Variants in CUX1 observed in about 807,000 individuals in gnomAD.
CUX1 encodes the protein protein CASP.
A neutral mutation model predicts 158.8 loss-of-function variants in CUX1; 31 were observed. The ratio of observed to expected loss-of-function variants is 0.20; its 90% CI spans 0.15 to 0.26. The LOEUF is 0.26. CUX1 is among the 10% of genes least tolerant of loss of function. The pLI is 1.00. For missense variants in CUX1, 1,589 were observed against 2,014.6 expected (o/e 0.79, Z 4.04); for synonymous variants, 879 against 862.1 (o/e 1.02, Z -0.34).
chr7:102,207,044 C>G (rs1796024054), intron 20 of CUX1, among the ~76,000 whole-genome samples: 1 of 152,164 alleles, frequency 6.6e-6, no homozygotes, highest in Non-Finnish European at 1.5e-5. Context: ...AACGGATCAT[C>G]GCCACTGTGC....
intron 1 of CUX1, among the ~76,000 whole-genome samples, chr7:101,873,473 G>A (rs1444085649): frequency 1.3e-5 from 2 of 151,252 alleles, no homozygotes; most frequent in Non-Finnish European, 2.9e-5. Context: ...CCAAGTGTGA[G>A]CCACCATGCC....
intron 2 of CUX1, among the ~76,000 whole-genome samples, chr7:101,932,112 A>G (rs1806356610): frequency 6.6e-6 from 1 of 152,256 alleles, no homozygotes; most frequent in African/African-American, 2.4e-5. Context: ...AGCCAGGCAT[A>G]AAAATAAACC....
In CUX1 at chr7:102,251,743, C is replaced by T. The variant is rs1479553620; in HGVS notation, c.*2701C>T. Reference sequence around the variant, plus strand: ...AAAACCCTCAAGGGACTTTTGTCATCATGTGTGATGAATCTTTAAATATCG... The same window carrying T: ...AAAACCCTCAAGGGACTTTTGTCATTATGTGTGATGAATCTTTAAATATCG... On this transcript the variant is annotated 3_prime_UTR_variant, in exon 24 of 24. Transcript: ENST00000292535. The T allele has an allele frequency of 4.9e-5, 48 of 985,170 alleles. No homozygotes were observed. The highest frequency in any genetic ancestry group is 7.0e-5 in the African/African-American group (4 of 57,180). 61.0% of individuals were successfully genotyped at this position (985,170 alleles called of 1,614,324 possible). A position where few individuals can be genotyped will look rare whatever the true frequency, so the allele number is the denominator to read the frequency against.
chr7:101,877,901 T>A (rs1294937768), intron 1 of CUX1, among the ~76,000 whole-genome samples: 1 of 152,154 alleles, frequency 6.6e-6, no homozygotes, highest in Non-Finnish European at 1.5e-5. Flanking sequence ...TTGAAGAATG[T>A]TGTGCGTACA....
At position 101,931,366 on chromosome 7, in the gene CUX1, G is replaced by A. The variant is rs186728613; in HGVS notation, c.141+15141G>A. Among the ~76,000 whole-genome samples, 9 of 152,292 alleles carry A rather than the reference G, an allele frequency of 5.9e-5. No individual in the cohort carries two copies. In the East Asian group the frequency reaches 9.6e-4, roughly 16 times the overall value. On this transcript the variant is annotated intron_variant, in intron 2 of 23. Coordinates refer to ENST00000292535, the MANE Select transcript of CUX1 (RefSeq NM_181552.4). ...CAGTAACTTCAGGGACACAGCCGTCGTAGCTTATAATGGCAGCTGATATTT... is the reference window on the plus strand; with the variant it reads ...CAGTAACTTCAGGGACACAGCCGTCATAGCTTATAATGGCAGCTGATATTT...
chr7:101,832,872 A>C (rs1039290783), intron 1 of CUX1, among the ~76,000 whole-genome samples: 1 of 151,990 alleles, frequency 6.6e-6, no homozygotes, highest in Non-Finnish European at 1.5e-5. Context: ...TCTGGTCCCC[A>C]TCTTACCAGG....
chr7:101,903,159 A>G (rs6961254), intron 1 of CUX1, among the ~76,000 whole-genome samples: 65,725 of 151,962 alleles, frequency 0.43, 14,849 homozygotes, highest in African/African-American at 0.52. Context: ...GAGGAGGGGC[A>G]GGGTCAGCAG....
chr7:102,267,500 C>G (rs567557844), intron 14 of CUX1, among the ~76,000 whole-genome samples: 31 of 152,234 alleles, frequency 2.0e-4, no homozygotes, highest in African/African-American at 4.3e-4. Flanking sequence ...TACCATTGCA[C>G]TCTAGCCTGG....
At position 102,117,822 on chromosome 7, in the gene CUX1, G is replaced by A. The variant is rs192237319; in HGVS notation, c.674+2549G>A. On this transcript the variant is annotated intron_variant, in intron 8 of 23. Coordinates refer to ENST00000292535, the MANE Select transcript of CUX1 (RefSeq NM_181552.4). ...CCTGTCTTGGGGAGGACCTGCCAGA[G>A]GTTCCGAACGATTTGCCTGTGGGGT... Among the ~76,000 whole-genome samples the A allele has an allele frequency of 2.2e-4, 33 of 152,354 alleles. No homozygotes were observed. In the East Asian group the frequency reaches 6.2e-3, roughly 29 times the overall value.
chr7:102,066,571 C>T (rs530425324), intron 3 of CUX1, among the ~76,000 whole-genome samples: 16 of 152,278 alleles, frequency 1.1e-4, no homozygotes, highest in South Asian at 1.0e-3. Context: ...CGCAGCCACC[C>T]GGTACCCTGA....
At chr7:102,072,287 T>G (rs1375221224) in intron 4 of CUX1, among the ~76,000 whole-genome samples, 1 of 152,188 alleles carries the variant, frequency 6.6e-6, no homozygotes, top group Non-Finnish European at 1.5e-5. Flanking sequence ...TCACCCCATG[T>G]AAATGAAGTG....
intron 23 of CUX1, among the ~76,000 whole-genome samples, chr7:102,240,614 A>G (rs1800097521): frequency 6.6e-6 from 1 of 152,074 alleles, no homozygotes; most frequent in African/African-American, 2.4e-5. Context: ...CTGCCATGTT[A>G]TCTTCCAAAT....
At chr7:102,203,027 C>T (rs958068872) in intron 18 of CUX1, among the ~76,000 whole-genome samples, 4 of 152,116 alleles carry the variant, frequency 2.6e-5, no homozygotes, top group African/African-American at 7.2e-5. Context: ...AGTGCAGTGA[C>T]GCTATCTCGG....
At chr7:102,230,242 G>C (rs990268286) in intron 21 of CUX1, among the ~76,000 whole-genome samples, 1 of 152,018 alleles carries the variant, frequency 6.6e-6, no homozygotes, top group Non-Finnish European at 1.5e-5. Flanking sequence ...TTGGGAGGCT[G>C]AGGCAGGTGG....
intron 14 of CUX1, among the ~76,000 whole-genome samples, chr7:102,272,547 A>G (rs1554546495): frequency 1.3e-5 from 2 of 152,154 alleles, no homozygotes; most frequent in East Asian, 3.9e-4. Flanking sequence ...AGAAAGGGGG[A>G]TCCAGTGGCC....
intron 18 of CUX1, among the ~76,000 whole-genome samples, chr7:102,278,301 C>G (rs1436884411): frequency 2.6e-5 from 4 of 152,174 alleles, no homozygotes; most frequent in African/African-American, 4.8e-5. Flanking sequence ...TAAAAACTGG[C>G]CAGAAGGACC....
intron 3 of CUX1, among the ~76,000 whole-genome samples, chr7:102,066,255 C>G (rs1825532974): frequency 1.3e-5 from 2 of 152,208 alleles, no homozygotes; most frequent in South Asian, 4.2e-4. Flanking sequence ...GACATCCTAC[C>G]TGTCTACATG....
intron 21 of CUX1, among the ~76,000 whole-genome samples, chr7:102,232,133 TTTTTGTTTTG>T (rs556343011): frequency 9.9e-5 from 15 of 152,106 alleles, no homozygotes; most frequent in African/African-American, 3.4e-4. Context: ...ATCTTTAAGT[TTTTTGTTTTG>T]TTTTGTTTTG....
chr7:102,080,166 C>A (rs1022163828), intron 4 of CUX1, among the ~76,000 whole-genome samples: 4 of 152,180 alleles, frequency 2.6e-5, no homozygotes, highest in African/African-American at 4.8e-5. Context: ...CATCCATCCT[C>A]CCCCGGTCCC....
Sources: gnomAD v4.1 joint callset for allele counts (sites outside exome capture counted in the v4.1 genomes callset) on GRCh38, gnomAD v4.1.1 for gene constraint, MANE v1.5 for transcripts, NCBI Gene and HGNC (gene_info 2026-07-23, HGNC 2026-07-21) for gene names.